The following THRB variants were observed in gnomAD, a reference collection of about 807,000 sequenced individuals.
THRB encodes the protein thyroid hormone receptor beta, also known as nuclear receptor subfamily 1 group A member 2.
Under a neutral mutation model 47.8 loss-of-function variants are expected in THRB, and 12 were observed. The observed-to-expected ratio is 0.25, with a 90% confidence interval of 0.16 to 0.41. The LOEUF is 0.41. Among genes scored for constraint, THRB ranks in the 10% least tolerant of loss-of-function variants. The pLI, the probability that THRB is intolerant of heterozygous loss-of-function variation, is 1.00. For synonymous variants in THRB, 218 were observed against 212.2 expected (o/e 1.03, Z -0.24); for missense variants, 348 against 589.2 (o/e 0.59, Z 4.24).
intron 3 of THRB, among the ~76,000 whole-genome samples, chr3:24,253,223 A>T (rs2050845696): frequency 6.6e-6 from 1 of 152,232 alleles, no homozygotes; most frequent in Non-Finnish European, 1.5e-5. Flanking sequence ...TATGGTATAG[A>T]TTGTTGTATA....
chr3:24,474,943 G>A (rs1695228326), intron 1 of THRB, among the ~76,000 whole-genome samples: 1 of 152,210 alleles, frequency 6.6e-6, no homozygotes, highest in Non-Finnish European at 1.5e-5. Flanking sequence ...GACTTAATAT[G>A]ATGAACTGCA....
chr3:24,162,544 G>A (rs998514404), intron 5 of THRB, among the ~76,000 whole-genome samples: 5 of 152,058 alleles, frequency 3.3e-5, no homozygotes, highest in African/African-American at 1.2e-4. Flanking sequence ...CCTCCTCAAT[G>A]TGAAAATTAC....
intron 1 of THRB, among the ~76,000 whole-genome samples, chr3:24,477,874 A>G (rs1377788595): frequency 6.6e-6 from 1 of 150,590 alleles, no homozygotes; most frequent in African/African-American, 2.4e-5. Flanking sequence ...GACTGCTTGA[A>G]AGCTACTTAG....
chr3:24,490,518 G>A (rs1319354932), intron 1 of THRB, among the ~76,000 whole-genome samples: 2 of 152,194 alleles, frequency 1.3e-5, no homozygotes, highest in African/African-American at 4.8e-5. Context: ...GCTATGGGGA[G>A]TCAAAGATGA....
rs146147914 is a variant in THRB, at chr3:24,402,855, G to A, written c.-260-65484C>T. Among the ~76,000 whole-genome samples, 654 of 152,086 alleles carry A rather than the reference G, an allele frequency of 4.3e-3. 24 individuals are homozygous for A. Among genetic ancestry groups the A allele is most frequent in the Admixed American group, 0.035 (538 of 15,254 alleles). On this transcript the variant is annotated intron_variant, in intron 1 of 10. Coordinates refer to ENST00000646209, the MANE Select transcript of THRB (RefSeq NM_001354712.2). ...CGCACTGCCAAATTATCTCCAGAAA[G>A]ACAGTACCAGGTTAGAACCACACCA... is the stretch of plus-strand genomic sequence containing the variant.
chr3:24,156,769 C>G (rs529511404), intron 5 of THRB, among the ~76,000 whole-genome samples: 1 of 152,300 alleles, frequency 6.6e-6, no homozygotes, highest in South Asian at 2.1e-4. Flanking sequence ...AGTCACTCTT[C>G]TGATTTTATA....
chr3:24,448,708 C>A (rs2072343795), intron 1 of THRB, among the ~76,000 whole-genome samples: 1 of 152,120 alleles, frequency 6.6e-6, no homozygotes. Flanking sequence ...ACATTTATAA[C>A]AGATTCAGGT....
intron 1 of THRB, among the ~76,000 whole-genome samples, chr3:24,388,862 T>C (rs936705183): frequency 6.6e-6 from 1 of 152,140 alleles, no homozygotes; most frequent in African/African-American, 2.4e-5. Flanking sequence ...TCCCACAAAA[T>C]GTACTCTCTG....
At chr3:24,408,782 C>T (rs1335058042) in intron 1 of THRB, among the ~76,000 whole-genome samples, 1 of 151,788 alleles carries the variant, frequency 6.6e-6, no homozygotes, top group Non-Finnish European at 1.5e-5. Context: ...GACACATTTT[C>T]ATTTACTTTA....
At chr3:24,342,967 G>C (rs957490806) in intron 1 of THRB, among the ~76,000 whole-genome samples, 2 of 152,168 alleles carry the variant, frequency 1.3e-5, no homozygotes, top group African/African-American at 4.8e-5. Flanking sequence ...TGCAAAGGCA[G>C]AAACAGTGCT....
Position 24,233,567 on chromosome 3 carries a change from GAAAGAAAGA to G in THRB, c.-42-4575_-42-4567del, listed in dbSNP as rs1559683578. Among the ~76,000 whole-genome samples the G allele has an allele frequency of 3.2e-3, 433 of 135,714 alleles. 1 individual carries two copies. The highest frequency in any genetic ancestry group is 0.011 in the African/African-American group (407 of 35,638). 89.0% of individuals were successfully genotyped at this position (135,714 alleles called of 152,430 possible). A position where few individuals can be genotyped will look rare whatever the true frequency, so the allele number is the denominator to read the frequency against. On this transcript the variant is annotated intron_variant, in intron 3 of 10. Coordinates refer to ENST00000646209, the MANE Select transcript of THRB (RefSeq NM_001354712.2). ...AGAGAAAGAAAGAAAAAGGAAGAAA[GAAAGAAAGA>G]AAGAAAGAAAGAAAGAAAGAAAGAA...
At chr3:24,137,775 T>A (rs1053869914) in intron 8 of THRB, among the ~76,000 whole-genome samples, 7 of 152,136 alleles carry the variant, frequency 4.6e-5, no homozygotes, top group African/African-American at 1.7e-4. Context: ...GACACGATGG[T>A]TACTGCATGG....
intron 1 of THRB, among the ~76,000 whole-genome samples, chr3:24,389,784 C>T (rs2066420185): frequency 6.6e-6 from 1 of 151,976 alleles, no homozygotes; most frequent in Non-Finnish European, 1.5e-5. Flanking sequence ...GGATTAAAGG[C>T]TTTTGGCAGT....
chr3:24,309,732 AG>A (rs1420427339), intron 2 of THRB, among the ~76,000 whole-genome samples: 1 of 152,172 alleles, frequency 6.6e-6, no homozygotes, highest in Non-Finnish European at 1.5e-5. Flanking sequence ...TTTAATGTTC[AG>A]GGATCCATTA....
intron 3 of THRB, among the ~76,000 whole-genome samples, chr3:24,232,059 G>C (rs1231517521): frequency 1.3e-5 from 2 of 152,184 alleles, no homozygotes; most frequent in African/African-American, 2.4e-5. Flanking sequence ...TCTCTGGTCA[G>C]GGAAGGGTTT....
intron 4 of THRB, among the ~76,000 whole-genome samples, chr3:24,218,962 A>G (rs541923261): frequency 1.3e-5 from 2 of 152,350 alleles, no homozygotes; most frequent in East Asian, 3.9e-4. Context: ...AATACATTAA[A>G]GCAGCATAGA....
chr3:24,269,397 G>GCA, intron 3 of THRB, among the ~76,000 whole-genome samples: 1 of 113,810 alleles, frequency 8.8e-6, no homozygotes, highest in African/African-American at 4.1e-5. Flanking sequence ...ACGCGCGCGC[G>GCA]CGCGCGCACA....
At chr3:24,301,160 C>G (rs895658645) in intron 2 of THRB, among the ~76,000 whole-genome samples, 1 of 152,176 alleles carries the variant, frequency 6.6e-6, no homozygotes, top group Non-Finnish European at 1.5e-5. Flanking sequence ...ACTCCTAGAG[C>G]CTTCAGAGGG....
intron 1 of THRB, among the ~76,000 whole-genome samples, chr3:24,341,951 A>T (rs2062684480): frequency 6.6e-6 from 1 of 152,166 alleles, no homozygotes; most frequent in Non-Finnish European, 1.5e-5. Context: ...AGAGTCACCT[A>T]GCTGACATAC....
Sources: gnomAD v4.1 joint callset for allele counts (sites outside exome capture counted in the v4.1 genomes callset) on GRCh38, gnomAD v4.1.1 for gene constraint, MANE v1.5 for transcripts, NCBI Gene and HGNC (gene_info 2026-07-23, HGNC 2026-07-21) for gene names.